CASD1: variants seen among roughly 807,000 people sequenced by gnomAD.
CASD1 encodes N-acetylneuraminate (7)9-O-acetyltransferase.
Under a neutral mutation model 100.0 loss-of-function variants are expected in CASD1, and 41 were observed. The observed-to-expected ratio is 0.41, with a 90% CI of 0.32 to 0.53. The LOEUF is 0.53. CASD1 is among the 20% of genes least tolerant of loss of function. The pLI, the probability that CASD1 is intolerant of heterozygous loss-of-function variation, is 0.25. For synonymous variants in CASD1, 321 were observed against 315.6 expected (o/e 1.02, Z -0.18); for missense variants, 774 against 948.7 (o/e 0.82, Z 2.42).
At chr7:94,585,368 A>T in the CASD1 span, 3 of 771,926 alleles carry the variant, frequency 3.9e-6, no homozygotes, top group African/African-American at 5.1e-5. Context: ...ATTATTTGGT[A>T]TACACTTAAT....
the CASD1 span, among the ~76,000 whole-genome samples, chr7:94,564,252 G>A: frequency 6.6e-6 from 1 of 152,330 alleles, no homozygotes; most frequent in South Asian, 2.1e-4. Flanking sequence ...AACAGTTGTG[G>A]TCCAGGCTAC....
At chr7:94,587,963 T>TA in the CASD1 span, 2 of 1,425,018 alleles carry the variant, frequency 1.4e-6, no homozygotes, top group African/African-American at 1.5e-5. Flanking sequence ...ACACCCAACT[T>TA]ACATTTTTAA....
chr7:94,527,469 A>C (rs1417680161), intron 4 of CASD1, among the ~76,000 whole-genome samples: 1 of 152,186 alleles, frequency 6.6e-6, no homozygotes, highest in Admixed American at 6.5e-5. Context: ...TGAATTCCCA[A>C]TCAGTGAGAA....
chr7:94,629,613 C>G, the CASD1 span: 8 of 1,003,920 alleles, frequency 8.0e-6, no homozygotes, highest in East Asian at 2.5e-5. Context: ...ATATTTAGAC[C>G]ATTTGAAATA....
the CASD1 span, among the ~76,000 whole-genome samples, chr7:94,564,519 A>G: frequency 6.6e-6 from 1 of 152,166 alleles, no homozygotes; most frequent in African/African-American, 2.4e-5. Flanking sequence ...CCCACAGGCA[A>G]AGGACCCAAT....
At chr7:94,543,524 G>A (rs1012375186) in intron 10 of CASD1, among the ~76,000 whole-genome samples, 1 of 151,964 alleles carries the variant, frequency 6.6e-6, no homozygotes, top group Non-Finnish European at 1.5e-5. Context: ...ATGTGGTGGC[G>A]GGTGCCTTTA....
chr7:94,538,793 T>C (rs957143367), intron 9 of CASD1, among the ~76,000 whole-genome samples, 174 bp from the exon 10 acceptor site: 1 of 152,212 alleles, frequency 6.6e-6, no homozygotes, highest in African/African-American at 2.4e-5. Context: ...AGTTTTATAC[T>C]ATCTTTTAGC....
chr7:94,628,198 T>C, the CASD1 span: 2 of 1,608,434 alleles, frequency 1.2e-6, no homozygotes, highest in Non-Finnish European at 1.7e-6. Context: ...TAGGTGTAAA[T>C]TACCTCAATG....
At chr7:94,585,147 TA>T in the CASD1 span, 1 of 227,172 alleles carries the variant, frequency 4.4e-6, no homozygotes, top group Non-Finnish European at 8.7e-6. Flanking sequence ...AATGAACACA[TA>T]AACCTGTTTC....
At chr7:94,630,122 G>T in the CASD1 span, among the ~76,000 whole-genome samples, 1 of 151,882 alleles carries the variant, frequency 6.6e-6, no homozygotes, top group Non-Finnish European at 1.5e-5. Flanking sequence ...ATCAAATAAT[G>T]AAGCTATCCA....
intron 2 of CASD1, 38 bp from the exon 3 acceptor site, chr7:94,518,165 T>G: frequency 6.8e-7 from 1 of 1,468,388 alleles, no homozygotes; most frequent in Non-Finnish European, 9.0e-7. Flanking sequence ...GATGGCTGAT[T>G]TTACTTATTT....
downstream of CASD1, among the ~76,000 whole-genome samples, chr7:94,558,570 A>G (rs1168485038): frequency 6.6e-6 from 1 of 152,188 alleles, no homozygotes; most frequent in Non-Finnish European, 1.5e-5. Flanking sequence ...ATTTCTCTGC[A>G]AAGACATTCA....
intron 10 of CASD1, among the ~76,000 whole-genome samples, chr7:94,540,796 G>A (rs1795356171): frequency 1.3e-5 from 2 of 152,092 alleles, no homozygotes; most frequent in South Asian, 4.1e-4. Context: ...TATGAATAAA[G>A]ACTGAGTAAT....
chr7:94,567,454 C>T, the CASD1 span, among the ~76,000 whole-genome samples: 1 of 152,114 alleles, frequency 6.6e-6, no homozygotes, highest in African/African-American at 2.4e-5. Flanking sequence ...ATGAAAATTG[C>T]CATGAGCCCC....
chr7:94,572,878 C>T, the CASD1 span, among the ~76,000 whole-genome samples: 124 of 152,110 alleles, frequency 8.2e-4, 1 homozygote, highest in African/African-American at 2.9e-3. Flanking sequence ...TATATTTAAG[C>T]CTTTAGTCCA....
At chr7:94,593,751 A>T in the CASD1 span, among the ~76,000 whole-genome samples, 1 of 152,090 alleles carries the variant, frequency 6.6e-6, no homozygotes, top group Non-Finnish European at 1.5e-5. Flanking sequence ...ATGTGCATGG[A>T]CTGCTATTCT....
the CASD1 span, among the ~76,000 whole-genome samples, chr7:94,602,680 A>T: frequency 2.0e-5 from 3 of 151,954 alleles, no homozygotes; most frequent in East Asian, 5.8e-4. Context: ...ATATGCAAAC[A>T]TATGTAAAAT....
Position 94,528,237 on chromosome 7 carries a change from A to AC in CASD1, c.446_447insC (p.Lys149AsnfsTer5). 1 of 1,604,838 alleles carries AC rather than the reference A, an allele frequency of 6.2e-7. No individual in the cohort carries two copies. Among genetic ancestry groups the AC allele is most frequent in the Non-Finnish European group, 8.5e-7 (1 of 1,175,862 alleles). ...AATGGTTCTATGAAACAGTGTATCA[A>AC]AGTGTGGACTGAGGTCTGTATTTAA... On this transcript the variant is annotated frameshift_variant, in exon 5 of 18. Transcript: ENST00000297273. LOFTEE classifies it high-confidence loss of function.
chr7:94,554,625 TTGTG>T, intron 17 of CASD1, 50 bp downstream of exon 17: 2 of 1,205,640 alleles, frequency 1.7e-6, no homozygotes, highest in Non-Finnish European at 2.5e-6. Flanking sequence ...TGTTTCATGT[TTGTG>T]TATGTACGTG....
Sources: allele counts gnomAD v4.1 joint callset (sites outside exome capture counted in the v4.1 genomes callset), GRCh38; gene constraint gnomAD v4.1.1; transcripts MANE v1.5; gene names NCBI Gene and HGNC (gene_info 2026-07-23, HGNC 2026-07-21).